Variants in MYH14 observed in about 807,000 individuals in gnomAD.
The protein encoded by MYH14 is myosin-14.
Under a neutral mutation model 255.5 loss-of-function variants are expected in MYH14, and 123 were observed. The ratio of observed to expected loss-of-function variants is 0.48; its 90% CI spans 0.42 to 0.56. MYH14 has a LOEUF of 0.56. Ranked by LOEUF, MYH14 falls within the 20% of genes least tolerant of loss-of-function variation. MYH14 has a pLI of 0.00. For missense variants in MYH14, 2,423 were observed against 2,802.3 expected, an observed-to-expected ratio of 0.86 and a Z score of 3.06; for synonymous variants, 1,095 against 1,161.2, an observed-to-expected ratio of 0.94 and a Z score of 1.16.
At chr19:50,241,007 T>C (rs2033870840) in intron 10 of MYH14, among the ~76,000 whole-genome samples, 2 of 152,176 alleles carry the variant, frequency 1.3e-5, no homozygotes, top group Non-Finnish European at 2.9e-5. Context: ...TGTAAGTGTT[T>C]GGAACAGGTT....
At chr19:50,261,425 A>G in intron 20 of MYH14, 50 bp from the exon 21 acceptor site, 1 of 50,778 alleles carries the variant, frequency 2.0e-5, no homozygotes, top group Non-Finnish European at 2.6e-5. Flanking sequence ...CACCACCCCC[A>G]CTCCCCCATC....
chr19:50,217,328 C>A (rs1428271749), intron 2 of MYH14, among the ~76,000 whole-genome samples: 1 of 152,190 alleles, frequency 6.6e-6, no homozygotes, highest in Non-Finnish European at 1.5e-5. Context: ...CTGTGTGAGT[C>A]CAGGCAGCCA....
chr19:50,264,055 CAAAAAAA>C (rs34015428), intron 22 of MYH14, among the ~76,000 whole-genome samples: 2 of 33,394 alleles, frequency 6.0e-5, no homozygotes, highest in South Asian at 1.4e-3. Context: ...AACTCTGTCT[CAAAAAAA>C]AAAAAAAAAA....
chr19:50,255,613 C>T (rs2034564862), intron 17 of MYH14, among the ~76,000 whole-genome samples: 1 of 152,134 alleles, frequency 6.6e-6, no homozygotes, highest in Non-Finnish European at 1.5e-5. Flanking sequence ...GAATTATCAA[C>T]ACCCCATTAC....
At chr19:50,273,772 G>A (rs1216422284) in intron 27 of MYH14, among the ~76,000 whole-genome samples, 1 of 152,094 alleles carries the variant, frequency 6.6e-6, no homozygotes, top group Admixed American at 6.6e-5. Context: ...CTCCCAAGTA[G>A]CTGGGATTAC....
Position 50,271,990 on chromosome 19 carries a change from C to T in MYH14, c.3295+18C>T, listed in dbSNP as rs2035320364. 3 of 1,604,002 alleles carry T rather than the reference C, an allele frequency of 1.9e-6. No homozygotes were observed. The highest frequency in any genetic ancestry group is 2.7e-5 in the African/African-American group (2 of 74,682). ...CATGGAGGGTGAGCTCCCGCCCAGC[C>T]AGTAGGGGTCTGTGTGTGCTCTAAT... On this transcript the variant is annotated intron_variant, in intron 26 of 42. Coordinates refer to ENST00000642316, the MANE Select transcript of MYH14 (RefSeq NM_001145809.2).
At chr19:50,226,774 A>T in intron 7 of MYH14, 129 bp from the exon 8 acceptor site, 1 of 812,714 alleles carries the variant, frequency 1.2e-6, no homozygotes, top group Non-Finnish European at 2.0e-6. Context: ...GGGTTCAGGT[A>T]GAGGGAGCAA....
chr19:50,204,965 A>T (rs1465773682), intron 1 of MYH14, among the ~76,000 whole-genome samples: 1 of 151,722 alleles, frequency 6.6e-6, no homozygotes, highest in Non-Finnish European at 1.5e-5. Flanking sequence ...AATACCCGAC[A>T]CATAGTAGGT....
At chr19:50,220,760 C>T (rs1017671833) in intron 3 of MYH14, among the ~76,000 whole-genome samples, 2 of 151,978 alleles carry the variant, frequency 1.3e-5, no homozygotes, top group Non-Finnish European at 2.9e-5. Context: ...ACCATGTTGG[C>T]CGGGCTGGTC....
At chr19:50,284,086 A>AAC (rs2035810399) in intron 33 of MYH14, among the ~76,000 whole-genome samples, 2 of 127,498 alleles carry the variant, frequency 1.6e-5, no homozygotes, top group African/African-American at 7.2e-5. Context: ...AAAACAAAAC[A>AAC]AAAAACAAAA....
rs888817938 is a variant in MYH14 at position 50,276,352 on chromosome 19, T to TGGGGACAGAGATGGGTC, written c.3680+150_3680+166dup. 1.4e-6 allele frequency: 1 copy of TGGGGACAGAGATGGGTC among 711,780 alleles called. No homozygotes were observed. Among genetic ancestry groups the TGGGGACAGAGATGGGTC allele is most frequent in the Non-Finnish European group, 2.3e-6 (1 of 443,246 alleles). The allele number at this position is 711,780 out of a possible 1,614,324, so 44.1% of individuals were successfully genotyped here. A position where few individuals can be genotyped will look rare whatever the true frequency, so the allele number is the denominator to read the frequency against. The stretch of plus-strand genomic sequence containing the variant: ...GCTCTAGGTCCGGCCTGGGTCAAGC[T>TGGGGACAGAGATGGGTC]GGGGACAGAGATGGGTCAGACCCAG... On this transcript the variant is annotated intron_variant, in intron 28 of 42. Transcript: ENST00000642316. This position sits in a 1 kb window ranked among gnomAD's most constrained non-coding sequence, Gnocchi z 4.3.
rs373533012 is a variant in MYH14, at chr19:50,280,227, A to G, written c.4138-4A>G. The G allele has an allele frequency of 7.1e-6, 11 of 1,552,246 alleles. No homozygotes were observed. Among genetic ancestry groups the G allele is most frequent in the Non-Finnish European group, 8.7e-6 (10 of 1,147,410 alleles). ...CCTGACATTGCCGTCTCCTCCATCT[A>G]CAGGAGCTGCTGCAGGAGGAGACCA... On this transcript the variant is annotated splice_region_variant and splice_polypyrimidine_tract_variant and intron_variant, in intron 31 of 42. Transcript: ENST00000642316. The surrounding 1 kb of genome is among the most constrained non-coding windows in gnomAD (Gnocchi z 4.8).
chr19:50,272,951 T>C (rs1214585061), intron 27 of MYH14, among the ~76,000 whole-genome samples: 3 of 152,138 alleles, frequency 2.0e-5, no homozygotes, highest in Admixed American at 1.3e-4. Flanking sequence ...AACAAGACTC[T>C]ATGTGTCTGG....
At chr19:50,301,089 G>A (rs2036466287) in intron 39 of MYH14, among the ~76,000 whole-genome samples, 1 of 152,188 alleles carries the variant, frequency 6.6e-6, no homozygotes, top group South Asian at 2.1e-4. Flanking sequence ...CAGAGTACGA[G>A]CTGAATAAAT....
intron 23 of MYH14, 67 bp from the exon 24 acceptor site, chr19:50,268,094 A>G (rs2035155513): frequency 2.0e-6 from 3 of 1,504,196 alleles, no homozygotes; most frequent in African/African-American, 1.4e-5. Context: ...ACAAGGCAGT[A>G]GGCACCCAGT....
chr19:50,227,599 A>G (rs1263259722), intron 8 of MYH14, among the ~76,000 whole-genome samples: 1 of 152,270 alleles, frequency 6.6e-6, no homozygotes, highest in East Asian at 1.9e-4. Flanking sequence ...CCCTCCCGAA[A>G]TCCAGGTGCC....
chr19:50,282,461 G>A (rs2035755577), intron 33 of MYH14, among the ~76,000 whole-genome samples: 1 of 152,188 alleles, frequency 6.6e-6, no homozygotes. Flanking sequence ...CAGCACTTTG[G>A]GAGGCCAAGG....
At chr19:50,242,246 G>T (rs1324398951) in intron 10 of MYH14, among the ~76,000 whole-genome samples, 1 of 152,106 alleles carries the variant, frequency 6.6e-6, no homozygotes, top group Non-Finnish European at 1.5e-5. Context: ...CAGCCTACTC[G>T]CCAAATCTAT....
In MYH14 at chr19:50,230,681, CG is replaced by C. The variant is rs1436174044; in HGVS notation, c.973+63del. On this transcript the variant is annotated intron_variant, in intron 9 of 42. Coordinates refer to ENST00000642316, the MANE Select transcript of MYH14 (RefSeq NM_001145809.2). This position sits in a 1 kb window ranked among gnomAD's most constrained non-coding sequence, Gnocchi z 4.7. ...GGGAGAGGGTGGGCACCATGTCTCT[CG>C]GGGGCCCCTTCTGGGGAGGAAGCAA... is the stretch of plus-strand genomic sequence containing the variant. 1.4e-6 allele frequency: 2 copies of C among 1,471,416 alleles called. No homozygotes were observed. Among genetic ancestry groups the C allele is most frequent in the South Asian group, 2.4e-5 (2 of 82,536 alleles). The allele number at this position is 1,471,416 out of a possible 1,614,324, so 91.1% of individuals were successfully genotyped here.
Sources: gnomAD v4.1 joint callset for allele counts (sites outside exome capture counted in the v4.1 genomes callset) on GRCh38, gnomAD v4.1.1 for gene constraint, Gnocchi (gnomAD v3.1) non-coding constraint, MANE v1.5 for transcripts, NCBI Gene and HGNC (gene_info 2026-07-23, HGNC 2026-07-21) for gene names.